Variants in NOL4 observed in about 807,000 individuals in gnomAD.
NOL4 encodes cancer/testis antigen 125.
NOL4 carries 17 observed loss-of-function variants against 75.9 expected under a neutral mutation model. That is an observed-to-expected ratio of 0.22 (90% confidence interval 0.15 to 0.34). NOL4 has a LOEUF of 0.34. Among genes scored for constraint, NOL4 ranks in the 10% least tolerant of loss-of-function variants. The pLI is 1.00. For missense variants in NOL4, 614 were observed against 793.5 expected, an observed-to-expected ratio of 0.77 and a Z score of 2.72; for synonymous variants, 292 against 289.9, an observed-to-expected ratio of 1.01 and a Z score of -0.07.
intron 1 of NOL4, among the ~76,000 whole-genome samples, chr18:34,194,379 AAAG>A (rs1321426562): frequency 2.6e-5 from 4 of 151,822 alleles, no homozygotes; most frequent in Admixed American, 6.6e-5. Context: ...GCAACTAAGA[AAAG>A]AAGAAAAGAA....
intron 9 of NOL4, among the ~76,000 whole-genome samples, chr18:33,938,212 GAATAAT>G (rs1173161730): frequency 1.3e-5 from 2 of 152,126 alleles, no homozygotes; most frequent in Non-Finnish European, 2.9e-5. Context: ...ATGTAAATGA[GAATAAT>G]AATATCCTTT....
chr18:33,867,306 A>G (rs1030642220), intron 10 of NOL4, among the ~76,000 whole-genome samples: 1 of 152,116 alleles, frequency 6.6e-6, no homozygotes, highest in African/African-American at 2.4e-5. Flanking sequence ...GTTCAAGTTC[A>G]AACTCATTAG....
chr18:34,189,749 G>A (rs2034770980), intron 1 of NOL4, among the ~76,000 whole-genome samples: 1 of 151,890 alleles, frequency 6.6e-6, no homozygotes, highest in Admixed American at 6.6e-5. Flanking sequence ...TTCAAAATAT[G>A]TACTTTATTT....
At chr18:34,196,221 A>G (rs1357449054) in intron 1 of NOL4, among the ~76,000 whole-genome samples, 1 of 152,164 alleles carries the variant, frequency 6.6e-6, no homozygotes, top group Non-Finnish European at 1.5e-5. Flanking sequence ...GTTCAAGAAG[A>G]GGAGCTGTCT....
At chr18:34,202,216 T>C (rs2035792342) in intron 1 of NOL4, among the ~76,000 whole-genome samples, 1 of 151,876 alleles carries the variant, frequency 6.6e-6, no homozygotes, top group Non-Finnish European at 1.5e-5. Flanking sequence ...TTAGATACCA[T>C]GCAGGGTTCT....
At chr18:33,902,574 T>C (rs998151790) in intron 9 of NOL4, among the ~76,000 whole-genome samples, 1 of 152,150 alleles carries the variant, frequency 6.6e-6, no homozygotes, top group South Asian at 2.1e-4. Context: ...GAACTTCCCA[T>C]GCAGTCACTA....
At chr18:34,095,008 C>G (rs1036347309) in intron 4 of NOL4, among the ~76,000 whole-genome samples, 6 of 152,088 alleles carry the variant, frequency 3.9e-5, no homozygotes, top group African/African-American at 1.4e-4. Flanking sequence ...CAAGACTATC[C>G]TGGTAGACTA....
At chr18:34,057,575 C>A (rs932724690) in intron 5 of NOL4, among the ~76,000 whole-genome samples, 31 of 152,098 alleles carry the variant, frequency 2.0e-4, no homozygotes, top group African/African-American at 7.2e-4. Flanking sequence ...GATCTGTGAT[C>A]TATCTTTATT....
At chr18:33,860,366 C>A (rs2063052655) in intron 10 of NOL4, among the ~76,000 whole-genome samples, 1 of 152,142 alleles carries the variant, frequency 6.6e-6, no homozygotes, top group Admixed American at 6.5e-5. Flanking sequence ...AACCTTAACT[C>A]ATTCCAGCAT....
intron 6 of NOL4, among the ~76,000 whole-genome samples, chr18:33,974,691 C>G (rs2071355134): frequency 6.6e-6 from 1 of 151,908 alleles, no homozygotes; most frequent in Non-Finnish European, 1.5e-5. Context: ...ACAAAGGGAG[C>G]ACATGCTATT....
intron 1 of NOL4, among the ~76,000 whole-genome samples, chr18:34,140,457 CT>C (rs2081094893): frequency 6.6e-6 from 1 of 152,036 alleles, no homozygotes. Flanking sequence ...CTCTTTTGAT[CT>C]TTGTTGGTTT....
intron 8 of NOL4, among the ~76,000 whole-genome samples, chr18:33,950,934 T>A (rs1275688082): frequency 1.3e-5 from 2 of 152,140 alleles, no homozygotes; most frequent in Non-Finnish European, 2.9e-5. Flanking sequence ...CTAGGAGTTT[T>A]TACATTTGTT....
At chr18:33,862,114 C>G (rs1009881052) in intron 10 of NOL4, among the ~76,000 whole-genome samples, 34 of 152,072 alleles carry the variant, frequency 2.2e-4, no homozygotes, top group African/African-American at 7.0e-4. Context: ...GAAATAAAGC[C>G]ACATATCTAC....
At chr18:34,204,429 T>G (rs987159296) in intron 1 of NOL4, among the ~76,000 whole-genome samples, 3 of 132,320 alleles carry the variant, frequency 2.3e-5, no homozygotes, top group Admixed American at 2.2e-4. Flanking sequence ...TCTCTTATCC[T>G]TCTCTTATCC....
intron 5 of NOL4, among the ~76,000 whole-genome samples, chr18:34,057,548 C>T (rs2076881970): frequency 1.3e-5 from 2 of 152,158 alleles, no homozygotes; most frequent in East Asian, 3.9e-4. Flanking sequence ...TCAGTGGCAT[C>T]TGCTGTTGCC....
intron 9 of NOL4, among the ~76,000 whole-genome samples, chr18:33,883,825 A>C (rs760974502): frequency 2.6e-5 from 4 of 152,158 alleles, no homozygotes; most frequent in Non-Finnish European, 5.9e-5. Flanking sequence ...GATGAACTTA[A>C]GGACATTGTG....
intron 1 of NOL4, among the ~76,000 whole-genome samples, chr18:34,200,526 T>C (rs898072320): frequency 2.6e-5 from 4 of 151,822 alleles, no homozygotes; most frequent in African/African-American, 9.7e-5. Flanking sequence ...TGCTCTTATA[T>C]CTTCATATGG....
At chr18:34,095,247 GTGTA>G (rs993867837) in intron 4 of NOL4, among the ~76,000 whole-genome samples, 19 of 142,832 alleles carry the variant, frequency 1.3e-4, no homozygotes, top group Admixed American at 7.3e-4. Flanking sequence ...AAATTCTAAT[GTGTA>G]TGTGTGTGTG....
At chr18:34,222,144 C>T (rs949650909) in intron 1 of NOL4, 1 of 1,526,898 alleles carries the variant, frequency 6.5e-7, no homozygotes, top group Non-Finnish European at 8.8e-7. Context: ...GCTTCTGCAG[C>T]GTGAGGCTGA....
Sources: gnomAD v4.1 joint callset for allele counts (sites outside exome capture counted in the v4.1 genomes callset) on GRCh38, gnomAD v4.1.1 for gene constraint, MANE v1.5 for transcripts, NCBI Gene and HGNC (gene_info 2026-07-23, HGNC 2026-07-21) for gene names.